Variants in CEP350 observed in about 807,000 individuals in gnomAD.
CEP350 encodes centrosomal protein 350, also known as centrosome-associated protein 350.
A neutral mutation model predicts 331.8 loss-of-function variants in CEP350; 126 were observed. That is an observed-to-expected ratio of 0.38 (90% CI 0.33 to 0.44). The LOEUF is 0.44. Ranked by LOEUF, CEP350 falls within the 20% of genes least tolerant of loss-of-function variation. The pLI, the probability that CEP350 is intolerant of heterozygous loss-of-function variation, is 1.00. For synonymous variants in CEP350, 1,200 were observed against 1,259.5 expected (o/e 0.95, Z 1.00); for missense variants, 3,406 against 3,634.6 (o/e 0.94, Z 1.62).
At chr1:179,998,151 T>A (rs1653596897) in intron 6 of CEP350, among the ~76,000 whole-genome samples, 1 of 151,956 alleles carries the variant, frequency 6.6e-6, no homozygotes. Flanking sequence ...GCTGATTTCT[T>A]GATTAGTTTA....
chr1:180,086,320 G>A (rs1264683656), intron 31 of CEP350, among the ~76,000 whole-genome samples: 2 of 152,054 alleles, frequency 1.3e-5, no homozygotes, highest in South Asian at 2.1e-4. Flanking sequence ...CATCTTATAC[G>A]TCAACTAATG....
At chr1:180,009,151 A>G (rs997470861) in intron 8 of CEP350, among the ~76,000 whole-genome samples, 3 of 152,230 alleles carry the variant, frequency 2.0e-5, no homozygotes, top group Non-Finnish European at 4.4e-5. Flanking sequence ...CTGGGATTAC[A>G]GGCATGTGCC....
rs368967117 is a variant in CEP350 at position 180,025,389 on chromosome 1, C to T, written c.3550+807C>T. On this transcript the variant is annotated intron_variant, in intron 14 of 37. Transcript: ENST00000367607. The stretch of plus-strand genomic sequence containing the variant: ...ATTAAGGGAGATAATGTATACATTC[C>T]GGTACCTAGCACTGTAGCTGACTCA... Among the ~76,000 whole-genome samples, 24 of 152,000 alleles carry T rather than the reference C, an allele frequency of 1.6e-4. No homozygotes were observed. In the East Asian group the frequency reaches 4.1e-3, roughly 26 times the overall value.
Position 180,092,752 on chromosome 1 carries a change from G to A in CEP350, c.6647G>A (p.Arg2216Lys), listed in dbSNP as rs370056775. ...GTTCTCAGATCATCAAGGAAAATCA[G>A]AGAAGAATCTGGAGATTCTCTAGAA... is the stretch of plus-strand genomic sequence containing the variant. Reference protein sequence around the residue: ...SPVLRSSRKIREESGDSLENV... With the variant: ...SPVLRSSRKIKEESGDSLENV... Residue 2216 changes from arginine (R) to lysine (K), a missense_variant, in exon 34 of 38, where the codon AGA (arginine) becomes AAA (lysine). By Grantham distance (26) the Arg-to-Lys change is conservative. Transcript: ENST00000367607. 3 of 1,600,328 alleles carry A rather than the reference G, an allele frequency of 1.9e-6. No homozygotes were observed. The highest frequency in any genetic ancestry group is 1.7e-6 in the Non-Finnish European group (2 of 1,172,366).
intron 37 of CEP350, among the ~76,000 whole-genome samples, chr1:180,103,243 GAA>G (rs1660929895): frequency 6.6e-6 from 1 of 152,228 alleles, no homozygotes; most frequent in African/African-American, 2.4e-5. Context: ...GTGGCAAAGA[GAA>G]GAGAAGATGG....
chr1:179,958,157 G>T (rs537688336), intron 1 of CEP350, among the ~76,000 whole-genome samples: 1 of 151,720 alleles, frequency 6.6e-6, no homozygotes, highest in Non-Finnish European at 1.5e-5. Context: ...ACTCAAAATG[G>T]GCCTTTTTTT....
At chr1:180,073,097 C>T (rs1462063893) in intron 27 of CEP350, among the ~76,000 whole-genome samples, 1 of 151,654 alleles carries the variant, frequency 6.6e-6, no homozygotes, top group Non-Finnish European at 1.5e-5. Context: ...TTTTTTTCTA[C>T]TGACTATTTA....
At chr1:179,955,274 C>A in intron 1 of CEP350, 132 bp downstream of exon 1, 3 of 953,540 alleles carry the variant, frequency 3.1e-6, no homozygotes, top group Non-Finnish European at 2.6e-6. Flanking sequence ...CCCTGCTTGG[C>A]GTCCCCCTCG....
In CEP350 at chr1:179,990,576, A is replaced by G; in HGVS notation, c.190A>G (p.Thr64Ala). Residue 64 changes from threonine to alanine, a missense_variant, in exon 4 of 38, where the codon ACC becomes GCC. This residue lies in a region of CEP350 where 1,857 missense variants were observed against 1,909.2 expected (regional missense o/e 0.97). Coordinates refer to ENST00000367607, the MANE Select transcript of CEP350 (RefSeq NM_014810.5). ...AGCTGTGTGTGATTCTGTCATGGATACCAAGAAGTCTTCTACAAGTGCTAC... is the reference window on the plus strand; with the variant it reads ...AGCTGTGTGTGATTCTGTCATGGATGCCAAGAAGTCTTCTACAAGTGCTAC... ...STAVCDSVMD[T>A]KKSSTSATRK... 1.2e-6 allele frequency: 2 copies of G among 1,605,910 alleles called. No individual in the cohort carries two copies. Among genetic ancestry groups the G allele is most frequent in the Non-Finnish European group, 1.7e-6 (2 of 1,175,548 alleles).
At chr1:180,082,134 A>G (rs1659609324) in intron 30 of CEP350, among the ~76,000 whole-genome samples, 1 of 152,220 alleles carries the variant, frequency 6.6e-6, no homozygotes, top group African/African-American at 2.4e-5. Flanking sequence ...CAATGGAATA[A>G]TGTTTCAACC....
intron 11 of CEP350, 113 bp from the exon 12 acceptor site, chr1:180,019,836 A>T: frequency 1.2e-6 from 1 of 802,378 alleles, no homozygotes; most frequent in Non-Finnish European, 1.8e-6. Flanking sequence ...TATATTTTTT[A>T]TCTGTCCTTT....
rs143679198 is a variant in CEP350 at position 180,064,216 on chromosome 1, G to A, written c.5410-899G>A. 6.0e-3 allele frequency among the ~76,000 whole-genome samples: 907 copies of A among 152,042 alleles called. 11 individuals carry two copies. Among genetic ancestry groups the A allele is most frequent in the African/African-American group, 0.021 (866 of 41,452 alleles). On this transcript the variant is annotated intron_variant, in intron 26 of 37. Transcript: ENST00000367607. ...GCTTGGGCTTGCAGTTGTGTGTGGGGGTCACTTCCATGTGACATTCTTGTT... is the reference window on the plus strand; with the variant it reads ...GCTTGGGCTTGCAGTTGTGTGTGGGAGTCACTTCCATGTGACATTCTTGTT...
chr1:180,089,065 T>C (rs1660022115), intron 32 of CEP350, among the ~76,000 whole-genome samples: 2 of 152,330 alleles, frequency 1.3e-5, no homozygotes, highest in South Asian at 4.1e-4. Context: ...CTACATGATA[T>C]GCTATTGAAT....
At chr1:180,073,929 G>C in intron 27 of CEP350, 2 of 1,303,928 alleles carry the variant, frequency 1.5e-6, no homozygotes, top group Non-Finnish European at 2.0e-6. Context: ...ACCTTTTTCA[G>C]TGCACTCTTT....
At chr1:180,045,858 C>A (rs942581570) in intron 21 of CEP350, among the ~76,000 whole-genome samples, 1 of 152,122 alleles carries the variant, frequency 6.6e-6, no homozygotes, top group African/African-American at 2.4e-5. Flanking sequence ...TATAATTGAG[C>A]CTTTGGTCCA....
chr1:180,024,322 T>C, intron 13 of CEP350, 97 bp from the exon 14 acceptor site: 1 of 1,064,722 alleles, frequency 9.4e-7, no homozygotes, highest in Non-Finnish European at 1.3e-6. Context: ...ATTGTAGTTA[T>C]AGTCTCCTAG....
intron 21 of CEP350, among the ~76,000 whole-genome samples, chr1:180,045,346 G>GA (rs958336054): frequency 2.7e-5 from 4 of 148,202 alleles, no homozygotes; most frequent in Non-Finnish European, 4.5e-5. Context: ...CATCTCAAAA[G>GA]AAAAAAAAAA....
intron 14 of CEP350, among the ~76,000 whole-genome samples, chr1:180,028,768 C>T (rs568335202): frequency 6.6e-6 from 1 of 151,930 alleles, no homozygotes; most frequent in South Asian, 2.1e-4. Context: ...CATGCTACTG[C>T]ACTCCAGCCT....
Position 179,996,734 on chromosome 1 carries a change from G to C in CEP350, c.577G>C (p.Val193Leu), listed in dbSNP as rs767956675. 2.5e-6 allele frequency: 4 copies of C among 1,613,610 alleles called. No homozygotes were observed. The highest frequency in any genetic ancestry group is 8.5e-7 in the Non-Finnish European group (1 of 1,179,674). ...CCAATCATCTGTCATCAATGATACA[G>C]TTGTTAGGTTTTTAAATGATCGACC... is the stretch of plus-strand genomic sequence containing the variant. Reference protein sequence around the residue: ...SSQSSVINDTVVRFLNDRPAI... With the variant: ...SSQSSVINDTLVRFLNDRPAI... Residue 193 changes from valine to leucine, a missense_variant, in exon 6 of 38, where the codon GTT becomes CTT. Val to Leu is a conservative substitution (Grantham distance 32). Transcript: ENST00000367607.
Sources: allele counts gnomAD v4.1 joint callset (sites outside exome capture counted in the v4.1 genomes callset), GRCh38; gene constraint gnomAD v4.1.1; regional missense constraint gnomAD v4.1.1; transcripts MANE v1.5; gene names NCBI Gene and HGNC (gene_info 2026-07-23, HGNC 2026-07-21).